The following MYO18A variants were observed in gnomAD, a reference collection of about 807,000 sequenced individuals.
MYO18A encodes myosin XVIIIA.
MYO18A carries 78 observed loss-of-function variants against 235.8 expected under a neutral mutation model. The ratio of observed to expected loss-of-function variants is 0.33; its 90% confidence interval spans 0.28 to 0.40. The LOEUF (loss-of-function observed/expected upper bound fraction) is 0.40. MYO18A is among the 10% of genes least tolerant of loss of function. The pLI is 1.00. For missense variants in MYO18A, 2,215 were observed against 2,699.3 expected, an observed-to-expected ratio of 0.82 and a Z score of 3.98; for synonymous variants, 977 against 1,077.8, an observed-to-expected ratio of 0.91 and a Z score of 1.83.
chr17:29,109,908 G>C lies in MYO18A; in HGVS notation c.3281C>G (p.Thr1094Ser), dbSNP rs772521050. The C allele has an allele frequency of 6.3e-7, 1 of 1,585,738 alleles. No homozygotes were observed. The highest frequency in any genetic ancestry group is 1.1e-5 in the South Asian group (1 of 87,222). Residue 1094 changes from threonine (T) to serine (S), a missense_variant, in exon 19 of 42, where the codon ACC (threonine) becomes AGC (serine). Coordinates refer to ENST00000527372, the MANE Select transcript of MYO18A (RefSeq NM_078471.4). The surrounding 1 kb of genome is among the most constrained non-coding windows in gnomAD (Gnocchi z 4.1). ...GAGCAGGCGGGAGCCGCGGAGCTGGGTGCGGAGCAGGGGCACGTCGAGCTG... is the reference window on the plus strand; with the variant it reads ...GAGCAGGCGGGAGCCGCGGAGCTGGCTGCGGAGCAGGGGCACGTCGAGCTG... ...LLQLDVPLLRTQLRGSRLLDA... is the reference protein window; with the variant it reads ...LLQLDVPLLRSQLRGSRLLDA...
chr17:29,130,299 CAAAAAAAAA>C (rs564370108), intron 2 of MYO18A, among the ~76,000 whole-genome samples: 5 of 55,914 alleles, frequency 8.9e-5, no homozygotes, highest in East Asian at 5.6e-4. Context: ...AACCCTGTCT[CAAAAAAAAA>C]AAAAAAAAAA....
At chr17:29,162,640 C>T (rs1398077008) in intron 2 of MYO18A, among the ~76,000 whole-genome samples, 1 of 152,188 alleles carries the variant, frequency 6.6e-6, no homozygotes, top group Non-Finnish European at 1.5e-5. Context: ...ACATCTCTCC[C>T]GCTTACTATG....
At chr17:29,080,531 G>A (rs1380725393) in intron 41 of MYO18A, 1 of 985,974 alleles carries the variant, frequency 1.0e-6, no homozygotes, top group African/African-American at 1.7e-5. Flanking sequence ...CTCAGGGAAG[G>A]GCTGAGTGTC....
chr17:29,093,958 G>A (rs2066461351), intron 31 of MYO18A, 22 bp downstream of exon 31: 1 of 1,556,314 alleles, frequency 6.4e-7, no homozygotes, highest in Non-Finnish European at 8.8e-7. Flanking sequence ...ACGCTGGACA[G>A]GTAAGTACTC....
chr17:29,165,845 CT>C (rs2068269130), intron 2 of MYO18A, 96 bp downstream of exon 2: 1 of 1,184,950 alleles, frequency 8.4e-7, no homozygotes, highest in African/African-American at 1.6e-5. Flanking sequence ...CTGCTAGGCT[CT>C]GATAACAGCT....
chr17:29,100,309 G>C lies in MYO18A; in HGVS notation c.3508-547C>G, dbSNP rs376184498. Among the ~76,000 whole-genome samples the C allele has an allele frequency of 2.0e-3, 299 of 152,354 alleles. 2 individuals carry two copies. Among genetic ancestry groups the C allele is most frequent in the South Asian group, 0.016 (77 of 4,832 alleles). On this transcript the variant is annotated intron_variant, in intron 21 of 41. Coordinates refer to ENST00000527372, the MANE Select transcript of MYO18A (RefSeq NM_078471.4). ...AGAGGAAAAGCGGGGAGAATGGGAAGGGGGGTGGTGGGAAGCTCCTGCCTT... is the reference window on the plus strand; with the variant it reads ...AGAGGAAAAGCGGGGAGAATGGGAACGGGGGTGGTGGGAAGCTCCTGCCTT...
chr17:29,176,702 C>A (rs752513445), intron 1 of MYO18A: 18 of 152,206 alleles, frequency 1.2e-4, no homozygotes, highest in Non-Finnish European at 2.1e-4. Flanking sequence ...CCAGGGGGAG[C>A]CTCCTCCCGG....
intron 1 of MYO18A, among the ~76,000 whole-genome samples, chr17:29,169,438 G>A (rs1405412703): frequency 6.6e-6 from 1 of 152,128 alleles, no homozygotes; most frequent in Non-Finnish European, 1.5e-5. Flanking sequence ...ACAGCCAGGG[G>A]CCTTGGCCAG....
rs1002165344 is a variant in MYO18A, at chr17:29,072,935, G to A, written c.*1835C>T. ...ATGAAGACAGGGACCGAGCAGGGCA[G>A]AGACAGCACTCCCAACCTATTCACA... On this transcript the variant is annotated 3_prime_UTR_variant, in exon 42 of 42. Coordinates refer to ENST00000527372, the MANE Select transcript of MYO18A (RefSeq NM_078471.4). The A allele has an allele frequency of 6.6e-6, 1 of 152,220 alleles. No homozygotes were observed. Among genetic ancestry groups the A allele is most frequent in the African/African-American group, 2.4e-5 (1 of 41,440 alleles). 9.4% of individuals were successfully genotyped at this position (152,220 alleles called of 1,614,324 possible). A position where few individuals can be genotyped will look rare whatever the true frequency, so the allele number is the denominator to read the frequency against.
intron 2 of MYO18A, among the ~76,000 whole-genome samples, chr17:29,138,858 T>C (rs1271878703): frequency 6.6e-6 from 1 of 152,200 alleles, no homozygotes; most frequent in Non-Finnish European, 1.5e-5. Flanking sequence ...TCACCTGCAC[T>C]GTTGTCCTTC....
chr17:29,161,232 G>T (rs1266217701), intron 2 of MYO18A, among the ~76,000 whole-genome samples: 2 of 151,952 alleles, frequency 1.3e-5, no homozygotes, highest in Non-Finnish European at 2.9e-5. Flanking sequence ...GCAGGCACCT[G>T]TAATCCCAGC....
chr17:29,148,049 G>A (rs1359093633), intron 2 of MYO18A, among the ~76,000 whole-genome samples: 1 of 151,836 alleles, frequency 6.6e-6, no homozygotes, highest in Non-Finnish European at 1.5e-5. Flanking sequence ...ATGGGAAATG[G>A]GCACAAGCGG....
At chr17:29,091,913 G>C in intron 34 of MYO18A, 2 of 328,834 alleles carry the variant, frequency 6.1e-6, no homozygotes, top group South Asian at 4.8e-5. Context: ...CATTAAATAA[G>C]AGCTCTAATT....
At position 29,082,443 on chromosome 17, in the gene MYO18A, A is replaced by G. The variant is rs200990187; in HGVS notation, c.5898-5T>C. On this transcript the variant is annotated splice_polypyrimidine_tract_variant and splice_region_variant and intron_variant, in intron 40 of 41. Coordinates refer to ENST00000527372, the MANE Select transcript of MYO18A (RefSeq NM_078471.4). ...TCCACATCAGAGTCTCCCTCACTGT[A>G]GGGATGAGGAGCAGAAAGGTAGACA... 2.2e-4 allele frequency: 356 copies of G among 1,612,110 alleles called. 1 individual carries two copies. The East Asian group carries it at 7.8e-3, about 35-fold the overall frequency.
chr17:29,107,113 G>A lies in MYO18A; in HGVS notation c.3408C>T (p.His1136=), dbSNP rs375660360. The change falls in exon 20 of 42, where the codon CAC becomes CAT. Residue 1136 remains histidine, a synonymous_variant. Transcript: ENST00000527372. ...DVLAPHLTKK[H]GRNYIVVDER... ...CATCCACCACGATGTAGTTACGCCC[G>A]TGTTTCTTGGTCAGGTGCGGGGCCA... The A allele has an allele frequency of 8.1e-6, 13 of 1,613,894 alleles. No homozygotes were observed. Among genetic ancestry groups the A allele is most frequent in the East Asian group, 4.5e-5 (2 of 44,896 alleles).
intron 2 of MYO18A, among the ~76,000 whole-genome samples, chr17:29,163,063 TG>T (rs2068208304): frequency 6.6e-6 from 1 of 152,192 alleles, no homozygotes; most frequent in South Asian, 2.1e-4. Flanking sequence ...GGACAGGCAA[TG>T]TGTGGACACA....
chr17:29,127,628 A>T (rs2067354293), intron 2 of MYO18A, among the ~76,000 whole-genome samples: 1 of 152,234 alleles, frequency 6.6e-6, no homozygotes, highest in African/African-American at 2.4e-5. Flanking sequence ...GCTGCTTAGC[A>T]GTTTCCATCC....
At position 29,107,071 on chromosome 17, in the gene MYO18A, T is replaced by C. The variant is rs1381753341; in HGVS notation, c.3441+9A>G. The C allele has an allele frequency of 2.7e-5, 43 of 1,613,404 alleles. No homozygotes were observed. The highest frequency in any genetic ancestry group is 3.5e-5 in the Non-Finnish European group (41 of 1,179,468). ...GCAGAGGGAGAGCGGTCTGGGGACCTGGACCTACCCGCCTTTCATCCACCA... is the reference window on the plus strand; with the variant it reads ...GCAGAGGGAGAGCGGTCTGGGGACCCGGACCTACCCGCCTTTCATCCACCA... On this transcript the variant is annotated intron_variant, in intron 20 of 41. Transcript: ENST00000527372.
intron 2 of MYO18A, chr17:29,133,758 G>C: frequency 7.8e-7 from 1 of 1,276,456 alleles, no homozygotes; most frequent in Non-Finnish European, 1.0e-6. Flanking sequence ...AACATGCCAA[G>C]CACACAGGAA....
Sources: gnomAD v4.1 joint callset for allele counts (sites outside exome capture counted in the v4.1 genomes callset) on GRCh38, gnomAD v4.1.1 for gene constraint, Gnocchi (gnomAD v3.1) non-coding constraint, MANE v1.5 for transcripts, NCBI Gene and HGNC (gene_info 2026-07-23, HGNC 2026-07-21) for gene names.